The following CAP2 variants were observed in gnomAD, a reference collection of about 807,000 sequenced individuals.
CAP2 encodes the protein adenylyl cyclase-associated protein 2.
CAP2 carries 24 observed loss-of-function variants against 57.7 expected under a neutral mutation model. The observed-to-expected ratio is 0.42, with a 90% CI of 0.30 to 0.58. The LOEUF (loss-of-function observed/expected upper bound fraction) is 0.58. Ranked by LOEUF, CAP2 falls within the 20% of genes least tolerant of loss-of-function variation. The probability of loss-of-function intolerance (pLI) is 0.22; values close to 1 mark genes in which losing one functional copy is unlikely to be tolerated. For missense variants in CAP2, 501 were observed against 590.3 expected, an observed-to-expected ratio of 0.85 and a Z score of 1.57; for synonymous variants, 194 against 207.2, an observed-to-expected ratio of 0.94 and a Z score of 0.55.
intron 1 of CAP2, among the ~76,000 whole-genome samples, chr6:17,406,413 T>TTTTTTTTTTTTTTTTTTTTTTTTG (rs1156614515): frequency 6.9e-6 from 1 of 144,248 alleles, no homozygotes; most frequent in African/African-American, 2.8e-5. Context: ...TTTTTTTTTT[T>TTTTTTTTTTTTTTTTTTTTTTTTG]GAGGCAGTCT....
chr6:17,507,918 G>A (rs1448993005), intron 6 of CAP2, among the ~76,000 whole-genome samples, 192 bp downstream of exon 6: 1 of 152,196 alleles, frequency 6.6e-6, no homozygotes, highest in Non-Finnish European at 1.5e-5. Flanking sequence ...GATAATATAT[G>A]GGTTTTAGAA....
chr6:17,553,129 G>A (rs1763208995), intron 12 of CAP2, among the ~76,000 whole-genome samples: 2 of 152,114 alleles, frequency 1.3e-5, no homozygotes, highest in African/African-American at 4.8e-5. Flanking sequence ...TTAAGCAGAA[G>A]GAAGGCTCAG....
intron 4 of CAP2, among the ~76,000 whole-genome samples, chr6:17,482,803 C>T (rs1381030978): frequency 6.6e-6 from 1 of 152,216 alleles, no homozygotes; most frequent in Non-Finnish European, 1.5e-5. Context: ...CCAATTACAT[C>T]TGCAACAACC....
intron 6 of CAP2, among the ~76,000 whole-genome samples, chr6:17,510,096 A>G (rs1762106899): frequency 6.6e-6 from 1 of 152,172 alleles, no homozygotes; most frequent in African/African-American, 2.4e-5. Context: ...GGGAAAACTT[A>G]AACTTTTTAA....
rs190266173 is a variant in CAP2, at chr6:17,455,568, C to G, written c.223-7428C>G. On this transcript the variant is annotated intron_variant, in intron 3 of 12. Transcript: ENST00000229922. ...TTTTTTTTTTTGAGACAGAGTCTCGCTCTGTCGCCCAGGCTGGAGTGCAGT... is the reference window on the plus strand; with the variant it reads ...TTTTTTTTTTTGAGACAGAGTCTCGGTCTGTCGCCCAGGCTGGAGTGCAGT... 2.6e-5 allele frequency among the ~76,000 whole-genome samples: 4 copies of G among 151,546 alleles called. No individual in the cohort carries two copies. In the East Asian group the frequency reaches 7.8e-4, roughly 30 times the overall value.
At position 17,542,925 on chromosome 6, in the gene CAP2, T is replaced by C. The variant is rs1762941382; in HGVS notation, c.1091T>C (p.Ile364Thr). The change falls in exon 10 of 13, where the codon ATT becomes ACT. Residue 364 changes from isoleucine (I) to threonine (T), a missense_variant. Coordinates refer to ENST00000229922, the MANE Select transcript of CAP2 (RefSeq NM_006366.3). ...AYIFKCEKST[I>T]QIKGKVNSII... ...ATTTTCAAATGCGAAAAATCAACTA[T>C]TCAGATAAAAGGGAAAGTAAACTCC... 6 of 1,613,802 alleles carry C rather than the reference T, an allele frequency of 3.7e-6. No homozygotes were observed. Among genetic ancestry groups the C allele is most frequent in the Non-Finnish European group, 5.1e-6 (6 of 1,179,680 alleles).
At chr6:17,404,909 A>AGG (rs1411094446) in intron 1 of CAP2, among the ~76,000 whole-genome samples, 1 of 151,970 alleles carries the variant, frequency 6.6e-6, no homozygotes, top group Non-Finnish European at 1.5e-5. Flanking sequence ...TCCTCTTTGG[A>AGG]GGCACTCACC....
intron 3 of CAP2, 121 bp downstream of exon 3, chr6:17,426,811 G>C: frequency 1.5e-6 from 1 of 685,874 alleles, no homozygotes; most frequent in Non-Finnish European, 2.6e-6. Flanking sequence ...TGGCTAGGCA[G>C]ATGGTGGCTA....
At chr6:17,502,448 T>C (rs1416210807) in intron 4 of CAP2, among the ~76,000 whole-genome samples, 1 of 152,172 alleles carries the variant, frequency 6.6e-6, no homozygotes, top group Non-Finnish European at 1.5e-5. Flanking sequence ...TGGCACAGAA[T>C]AAAAGCACTA....
intron 4 of CAP2, among the ~76,000 whole-genome samples, chr6:17,498,993 T>A (rs910431157): frequency 6.6e-6 from 1 of 151,750 alleles, no homozygotes; most frequent in East Asian, 2.0e-4. Flanking sequence ...CCTCCCAAAG[T>A]GCTGTGATTA....
At chr6:17,440,645 G>GTGTGTGTGTGTGTGTGTGTGT (rs57079915) in intron 3 of CAP2, among the ~76,000 whole-genome samples, 1 of 149,876 alleles carries the variant, frequency 6.7e-6, no homozygotes, top group Non-Finnish European at 1.5e-5. Flanking sequence ...GTGTGTGTGT[G>GTGTGTGTGTGTGTGTGTGTGT]GTCATTTTAA....
At chr6:17,475,484 T>G (rs1162838403) in intron 4 of CAP2, among the ~76,000 whole-genome samples, 2 of 152,160 alleles carry the variant, frequency 1.3e-5, no homozygotes, top group African/African-American at 2.4e-5. Context: ...AAAGGTTTGT[T>G]TCTCTTACAC....
chr6:17,395,995 A>G (rs1001322902), intron 1 of CAP2, among the ~76,000 whole-genome samples: 2 of 152,234 alleles, frequency 1.3e-5, no homozygotes, highest in African/African-American at 2.4e-5. Context: ...TGGGCAAAGG[A>G]TCTGAATAGC....
rs1342497890 is a variant in CAP2 at position 17,504,090 on chromosome 6, G to A, written c.301-3079G>A. 2.0e-5 allele frequency among the ~76,000 whole-genome samples: 3 copies of A among 152,178 alleles called. No homozygotes were observed. In the East Asian group the frequency reaches 5.8e-4, roughly 29 times the overall value. ...CTGTCCCTCAGCATATGTCAGTTAG[G>A]AAACCACTCTCCTTGTGTTTGCATA... On this transcript the variant is annotated intron_variant, in intron 4 of 12. Transcript: ENST00000229922.
intron 4 of CAP2, among the ~76,000 whole-genome samples, chr6:17,482,238 A>T (rs1323349391): frequency 6.6e-6 from 1 of 152,182 alleles, no homozygotes; most frequent in Non-Finnish European, 1.5e-5. Context: ...TTAGAAGTCA[A>T]GGCGTAGGCT....
At chr6:17,530,143 A>C (rs1477891494) in intron 7 of CAP2, among the ~76,000 whole-genome samples, 1 of 152,120 alleles carries the variant, frequency 6.6e-6, no homozygotes, top group Admixed American at 6.6e-5. Context: ...GTGCCATCAT[A>C]GCTCACTGCA....
At chr6:17,519,327 G>A (rs1014299407) in intron 7 of CAP2, among the ~76,000 whole-genome samples, 4 of 151,866 alleles carry the variant, frequency 2.6e-5, no homozygotes, top group African/African-American at 9.7e-5. Flanking sequence ...GAGAGTCTAC[G>A]TGTGTGTGCA....
chr6:17,420,176 C>A (rs1439141872), intron 1 of CAP2, among the ~76,000 whole-genome samples: 1 of 152,134 alleles, frequency 6.6e-6, no homozygotes, highest in African/African-American at 2.4e-5. Context: ...AGTCACCCTG[C>A]CCCATTTTTA....
At chr6:17,555,685 T>A (rs1250405585) in intron 12 of CAP2, among the ~76,000 whole-genome samples, 1 of 152,100 alleles carries the variant, frequency 6.6e-6, no homozygotes, top group African/African-American at 2.4e-5. Flanking sequence ...TGCTTCAGCC[T>A]CCCGAGTAGC....
Sources: allele counts gnomAD v4.1 joint callset (sites outside exome capture counted in the v4.1 genomes callset), GRCh38; gene constraint gnomAD v4.1.1; transcripts MANE v1.5; gene names NCBI Gene and HGNC (gene_info 2026-07-23, HGNC 2026-07-21).